The following SBF2 variants were observed in gnomAD, a reference collection of about 807,000 sequenced individuals.
SBF2 encodes the protein SET binding factor 2.
SBF2 carries 112 observed loss-of-function variants against 225.2 expected under a neutral mutation model. The observed-to-expected ratio is 0.50, with a 90% CI of 0.43 to 0.58. The LOEUF (loss-of-function observed/expected upper bound fraction) is 0.58. SBF2 is among the 20% of genes least tolerant of loss of function. SBF2 has a pLI of 0.00. For synonymous variants in SBF2, 763 were observed against 773.3 expected (o/e 0.99, Z 0.22); for missense variants, 1,996 against 2,206.2 (o/e 0.90, Z 1.91).
At chr11:10,078,199 A>C (rs547527990) in intron 2 of SBF2, among the ~76,000 whole-genome samples, 1 of 152,364 alleles carries the variant, frequency 6.6e-6, no homozygotes, top group Non-Finnish European at 1.5e-5. Flanking sequence ...AACTAGTTCA[A>C]CCATTGTGGA....
intron 12 of SBF2, among the ~76,000 whole-genome samples, chr11:9,991,043 T>G (rs1286922258): frequency 6.6e-6 from 1 of 152,198 alleles, no homozygotes; most frequent in Non-Finnish European, 1.5e-5. Context: ...ATGTTACTAT[T>G]CATAAAGCTT....
rs1590499481 is a variant in SBF2 at position 9,930,665 on chromosome 11, C to T, written c.1860+31292G>A. Among the ~76,000 whole-genome samples, 3 of 152,192 alleles carry T rather than the reference C, an allele frequency of 2.0e-5. No homozygotes were observed. In the South Asian group the frequency reaches 6.2e-4, roughly 31 times the overall value. ...GCTGAACAGGAACAGCTCTGGTCTG[C>T]AGCTCCCAGCGTGATCGATGCAGAA... is the stretch of plus-strand genomic sequence containing the variant. On this transcript the variant is annotated intron_variant, in intron 16 of 39. Coordinates refer to ENST00000256190, the MANE Select transcript of SBF2 (RefSeq NM_030962.4).
chr11:9,856,203 G>A lies in SBF2; in HGVS notation c.2363+255C>T, dbSNP rs78020908. Among the ~76,000 whole-genome samples, 1,440 of 152,338 alleles carry A rather than the reference G, an allele frequency of 9.5e-3. 54 individuals carry two copies. In the East Asian group the frequency reaches 0.1, roughly 11 times the overall value. On this transcript the variant is annotated intron_variant, in intron 19 of 39. Coordinates refer to ENST00000256190, the MANE Select transcript of SBF2 (RefSeq NM_030962.4). The stretch of plus-strand genomic sequence containing the variant: ...TGCTTTGGCAGACAGTAACTGAAGG[G>A]CTGGATCAGTAATGGGTGAGACATT...
chr11:9,859,735 A>C (rs1857576054), intron 17 of SBF2, among the ~76,000 whole-genome samples: 1 of 152,188 alleles, frequency 6.6e-6, no homozygotes, highest in Admixed American at 6.5e-5. Flanking sequence ...ATCTGGTAAA[A>C]ATTACACGCT....
chr11:9,862,022 A>T (rs544610376), intron 17 of SBF2, among the ~76,000 whole-genome samples: 2 of 152,204 alleles, frequency 1.3e-5, no homozygotes, highest in Non-Finnish European at 2.9e-5. Flanking sequence ...AAGTGACTAT[A>T]GTACAAACAC....
In SBF2 at chr11:9,857,760, A is replaced by C. The variant is rs1857426163; in HGVS notation, c.2100+466T>G. Among the ~76,000 whole-genome samples, 3 of 152,236 alleles carry C rather than the reference A, an allele frequency of 2.0e-5. No individual in the cohort carries two copies. The South Asian group carries it at 6.2e-4, about 31-fold the overall frequency. ...TAAATTTTTTTGATATTTTTCATAAAAATATTTTATGCTGATAAAACATAG... is the reference window on the plus strand; with the variant it reads ...TAAATTTTTTTGATATTTTTCATAACAATATTTTATGCTGATAAAACATAG... On this transcript the variant is annotated intron_variant, in intron 18 of 39. Coordinates refer to ENST00000256190, the MANE Select transcript of SBF2 (RefSeq NM_030962.4).
At chr11:9,998,077 T>G (rs1251277554) in intron 9 of SBF2, among the ~76,000 whole-genome samples, 189 bp downstream of exon 9, 2 of 152,230 alleles carry the variant, frequency 1.3e-5, no homozygotes, top group South Asian at 4.1e-4. Flanking sequence ...GGATCCAAAA[T>G]ATATGCTTTA....
At chr11:10,055,524 T>TAC (rs3993326) in intron 2 of SBF2, among the ~76,000 whole-genome samples, 2,199 of 133,780 alleles carry the variant, frequency 0.016, 33 homozygotes, top group African/African-American at 0.035. Context: ...AAGAAAATGA[T>TAC]ACACACACAC....
chr11:9,843,284 A>T (rs373647198), intron 24 of SBF2, among the ~76,000 whole-genome samples: 4 of 152,358 alleles, frequency 2.6e-5, no homozygotes, highest in South Asian at 4.1e-4. Context: ...TTAAGTGTGT[A>T]TATGTGATGT....
chr11:9,792,738 T>C (rs1449400091), intron 33 of SBF2, among the ~76,000 whole-genome samples: 3 of 145,808 alleles, frequency 2.1e-5, no homozygotes, highest in African/African-American at 7.5e-5. Flanking sequence ...CATTCTAGGA[T>C]TCGAAATGCA....
chr11:9,875,175 G>C, intron 17 of SBF2, among the ~76,000 whole-genome samples: 1 of 152,282 alleles, frequency 6.6e-6, no homozygotes, highest in East Asian at 1.9e-4. Context: ...TATTTGCATG[G>C]TTAAGCCAAT....
At chr11:10,008,913 A>C (rs1948319889) in intron 6 of SBF2, among the ~76,000 whole-genome samples, 1 of 152,258 alleles carries the variant, frequency 6.6e-6, no homozygotes, top group Non-Finnish European at 1.5e-5. Flanking sequence ...CTGGGCAATT[A>C]TCCTCCAAAT....
intron 26 of SBF2, chr11:9,838,189 C>T (rs919821258): frequency 2.6e-5 from 4 of 151,678 alleles, no homozygotes; most frequent in Admixed American, 2.0e-4. Context: ...TCTATGTCCC[C>T]TTTTTTTTCC....
chr11:10,100,452 A>C (rs556235928), intron 2 of SBF2, among the ~76,000 whole-genome samples: 1 of 152,340 alleles, frequency 6.6e-6, no homozygotes, highest in South Asian at 2.1e-4. Flanking sequence ...TGATTCTGGC[A>C]ATCTCTCTAC....
At chr11:10,097,564 T>G (rs755199892) in intron 2 of SBF2, among the ~76,000 whole-genome samples, 1 of 152,050 alleles carries the variant, frequency 6.6e-6, no homozygotes, top group African/African-American at 2.4e-5. Context: ...CCTCAAAAAT[T>G]TGGCATCAAG....
At chr11:10,021,878 AAAC>A (rs1389099567) in intron 6 of SBF2, among the ~76,000 whole-genome samples, 5 of 152,160 alleles carry the variant, frequency 3.3e-5, no homozygotes, top group African/African-American at 7.2e-5. Context: ...TGTGCTTTGG[AAAC>A]AACAACTCTG....
intron 1 of SBF2, among the ~76,000 whole-genome samples, chr11:10,227,726 C>G (rs1476058624): frequency 6.6e-6 from 1 of 152,234 alleles, no homozygotes; most frequent in South Asian, 2.1e-4. Flanking sequence ...TTACTGTAGC[C>G]TTGTATATAG....
rs185325645 is a variant in SBF2 at position 9,881,770 on chromosome 11, G to C, written c.1929+14173C>G. Among the ~76,000 whole-genome samples the C allele has an allele frequency of 3.9e-5, 6 of 151,972 alleles. No homozygotes were observed. In the South Asian group the frequency reaches 1.0e-3, roughly 26 times the overall value. ...CAATTAAACAAATAAAGTTGATTTT[G>C]TAAGGAAAACAATAAAAGCCTGGGC... On this transcript the variant is annotated intron_variant, in intron 17 of 39. Coordinates refer to ENST00000256190, the MANE Select transcript of SBF2 (RefSeq NM_030962.4).
At chr11:10,150,334 C>G (rs1376613781) in intron 2 of SBF2, among the ~76,000 whole-genome samples, 1 of 152,060 alleles carries the variant, frequency 6.6e-6, no homozygotes, top group African/African-American at 2.4e-5. Flanking sequence ...TTATCTTAGT[C>G]ATGATTGGAT....
Sources: gnomAD v4.1 joint callset for allele counts (sites outside exome capture counted in the v4.1 genomes callset) on GRCh38, gnomAD v4.1.1 for gene constraint, MANE v1.5 for transcripts, NCBI Gene and HGNC (gene_info 2026-07-23, HGNC 2026-07-21) for gene names.